The following KLK1 variants were observed in gnomAD, a reference collection of about 807,000 sequenced individuals.
KLK1 encodes the protein kallikrein 1, also known as kallikrein-1.
A neutral mutation model predicts 23.3 loss-of-function variants in KLK1; 22 were observed. That is an observed-to-expected ratio of 0.95 (90% CI 0.68 to 1.35). KLK1 has a LOEUF of 1.35. Ranked by LOEUF, KLK1 falls within the 40% of genes most tolerant of loss-of-function variation. The pLI is 0.00. For missense variants in KLK1, 301 were observed against 338.9 expected (o/e 0.89, Z 0.88); for synonymous variants, 140 against 135.8 (o/e 1.03, Z -0.21).
In KLK1 at chr19:50,821,223, G is replaced by C. The variant is rs932123352; in HGVS notation, c.206+489C>G. Among the ~76,000 whole-genome samples, 5 of 152,220 alleles carry C rather than the reference G, an allele frequency of 3.3e-5. No individual in the cohort carries two copies. The highest frequency in any genetic ancestry group is 1.2e-4 in the African/African-American group (5 of 41,448). On this transcript the variant is annotated intron_variant, in intron 2 of 4. Coordinates refer to ENST00000301420, the MANE Select transcript of KLK1 (RefSeq NM_002257.4). The surrounding 1 kb of genome is among the most constrained non-coding windows in gnomAD (Gnocchi z 5.6). ...ATCCTGTGGGGCGGGGAGCTGGACA[G>C]AGGGAGAGGCGCCCCCTCCCAGGCA... is the stretch of plus-strand genomic sequence containing the variant.
At chr19:50,823,626 G>T (rs2089842305) in intron 1 of KLK1, 77 bp downstream of exon 1, 2 of 949,344 alleles carry the variant, frequency 2.1e-6, no homozygotes, top group Non-Finnish European at 3.3e-6. Flanking sequence ...GGAGGGGAAG[G>T]TCTTATCGGG....
chr19:50,823,702 C>T lies in KLK1; in HGVS notation c.46+1G>A. 1 of 1,602,704 alleles carries T rather than the reference C, an allele frequency of 6.2e-7. No individual in the cohort carries two copies. The highest frequency in any genetic ancestry group is 8.5e-7 in the Non-Finnish European group (1 of 1,170,626). On this transcript the variant is annotated splice_donor_variant, in intron 1 of 4. Transcript: ENST00000301420. LOFTEE classifies it high-confidence loss of function. Reference sequence around the variant, plus strand: ...CCTCCCACATCCCCCCACTGTCTCACCAGTCCCCCCCAGGGACAGGGCGAG... The same window carrying T: ...CCTCCCACATCCCCCCACTGTCTCATCAGTCCCCCCCAGGGACAGGGCGAG...
Position 50,821,771 on chromosome 19 carries a change from C to T in KLK1, c.147G>A (p.Gln49=), listed in dbSNP as rs745413898. Residue 49 remains glutamine (Q), a synonymous_variant, in exon 2 of 5, where the codon CAG becomes CAA. Transcript: ENST00000301420. The surrounding 1 kb of genome is among the most constrained non-coding windows in gnomAD (Gnocchi z 5.6). ...GGCGGTGCACCAGGATGCCCCCACA[C>T]TGGAAAGTGCTGAAATGGTACAGAG... ...QAALYHFSTF[Q]CGGILVHRQW... is the part of the protein sequence containing the mutation. 2 of 1,613,992 alleles carry T rather than the reference C, an allele frequency of 1.2e-6. No individual in the cohort carries two copies. Among genetic ancestry groups the T allele is most frequent in the South Asian group, 1.1e-5 (1 of 91,072 alleles).
At chr19:50,820,698 G>A (rs973058849) in intron 2 of KLK1, 15 of 374,120 alleles carry the variant, frequency 4.0e-5, no homozygotes, top group East Asian at 1.4e-4. Flanking sequence ...TGAAAAAGGC[G>A]GAGGGGAGGG....
At chr19:50,822,550 C>A (rs10420205) in intron 1 of KLK1, 5 of 985,104 alleles carry the variant, frequency 5.1e-6, no homozygotes, top group African/African-American at 3.5e-5. Context: ...GGTGGGCTTC[C>A]GAGAGGTTTT....
chr19:50,819,291 C>G lies in KLK1; in HGVS notation c.692G>C (p.Gly231Ala). The part of the protein sequence containing the change: ...DGVLQGVTSW[G>A]YVPCGTPNKP... Reference sequence around the variant, plus strand: ...ATTGGGGGTGCCACAAGGGACGTAGCCCCATGATGTGACACCTTGGAGCAC... The same window carrying G: ...ATTGGGGGTGCCACAAGGGACGTAGGCCCATGATGTGACACCTTGGAGCAC... The change falls in exon 5 of 5, where the codon GGC becomes GCC. Residue 231 changes from glycine (G) to alanine (A), a missense_variant. Transcript: ENST00000301420. The G allele has an allele frequency of 1.2e-6, 2 of 1,614,136 alleles. No homozygotes were observed. Among genetic ancestry groups the G allele is most frequent in the Non-Finnish European group, 1.7e-6 (2 of 1,179,976 alleles).
At position 50,823,597 on chromosome 19, in the gene KLK1, G is replaced by T. The variant is rs1268084577; in HGVS notation, c.46+106C>A. On this transcript the variant is annotated intron_variant, in intron 1 of 4. Coordinates refer to ENST00000301420, the MANE Select transcript of KLK1 (RefSeq NM_002257.4). ...GGACTAGGATAGACTGTGGGCCAGA[G>T]GGATGAGGGTGGGGTGTTGGAGGGG... 1.1e-5 allele frequency: 8 copies of T among 703,576 alleles called. No individual in the cohort carries two copies. The East Asian group carries it at 2.2e-4, about 19-fold the overall frequency. 43.6% of individuals were successfully genotyped at this position (703,576 alleles called of 1,614,324 possible).
rs5518 is a variant in KLK1 at position 50,819,954 on chromosome 19, A to G, written c.578T>C (p.Val193Ala). 85 of 1,613,844 alleles carry G rather than the reference A, an allele frequency of 5.3e-5. No individual in the cohort carries two copies. Among genetic ancestry groups the G allele is most frequent in the Non-Finnish European group, 6.9e-5 (81 of 1,179,910 alleles). ...TCCGACACACAGCATGAAGTCTGTCACCTTCTGGACGTGGGCTTTTTTGCA... is the reference window on the plus strand; with the variant it reads ...TCCGACACACAGCATGAAGTCTGTCGCCTTCTGGACGTGGGCTTTTTTGCA... ...DECKKAHVQK[V>A]TDFMLCVGHL... The change falls in exon 4 of 5, where the codon GTG becomes GCG. Residue 193 changes from valine (V) to alanine (A), a missense_variant. By Grantham distance (64) the Val-to-Ala change is moderately conservative (BLOSUM62 0). Coordinates refer to ENST00000301420, the MANE Select transcript of KLK1 (RefSeq NM_002257.4).
rs562812177 is a variant in KLK1 at position 50,822,662 on chromosome 19, C to T, written c.47-791G>A. 3.3e-4 allele frequency: 320 copies of T among 964,638 alleles called. 2 individuals carry two copies. The highest frequency in any genetic ancestry group is 1.3e-3 in the Admixed American group (18 of 13,406). 59.8% of individuals were successfully genotyped at this position (964,638 alleles called of 1,614,324 possible). ...GGGACGGGGCTCAGGAGGAGGGAGG[C>T]GTGAGTGGCAGTCCTTCTCGGACAG... On this transcript the variant is annotated intron_variant, in intron 1 of 4. Coordinates refer to ENST00000301420, the MANE Select transcript of KLK1 (RefSeq NM_002257.4).
At chr19:50,819,434 C>T in intron 4 of KLK1, 85 bp from the exon 5 acceptor site, 1 of 1,321,216 alleles carries the variant, frequency 7.6e-7, no homozygotes, top group East Asian at 2.4e-5. Flanking sequence ...GCAGACAGGG[C>T]CTCCAGTGCC....
chr19:50,823,548 G>A (rs572230478), intron 1 of KLK1, among the ~76,000 whole-genome samples, 155 bp downstream of exon 1: 1 of 151,780 alleles, frequency 6.6e-6, no homozygotes, highest in East Asian at 2.0e-4. Flanking sequence ...GGCCGCGCAA[G>A]ATAGATAAGA....
intron 1 of KLK1, chr19:50,822,889 A>G (rs1426945301): frequency 1.8e-5 from 18 of 985,330 alleles, no homozygotes; most frequent in Non-Finnish European, 2.0e-5. Context: ...GGGGGAGGCC[A>G]GGGCAGAAGC....
In KLK1 at chr19:50,820,042, A is replaced by G; in HGVS notation, c.497-7T>C. 6.2e-7 allele frequency: 1 copy of G among 1,613,894 alleles called. No homozygotes were observed. The highest frequency in any genetic ancestry group is 8.5e-7 in the Non-Finnish European group (1 of 1,179,940). ...AGATCATCTGGAAATGAGACTACGA[A>G]CCCGGGAGAAAAAGGGCTGCAGCCC... On this transcript the variant is annotated splice_polypyrimidine_tract_variant and splice_region_variant and intron_variant, in intron 3 of 4. Coordinates refer to ENST00000301420, the MANE Select transcript of KLK1 (RefSeq NM_002257.4).
At position 50,819,931 on chromosome 19, in the gene KLK1, C is replaced by T. The variant is rs751341262; in HGVS notation, c.601G>A (p.Gly201Arg). The T allele has an allele frequency of 7.4e-6, 12 of 1,614,168 alleles. No homozygotes were observed. The highest frequency in any genetic ancestry group is 2.2e-5 in the East Asian group (1 of 44,886). ...QKVTDFMLCV[G>R]HLEGGKDTCV... ...GTGTCTTTGCCACCTTCCAGGTGTC[C>T]GACACACAGCATGAAGTCTGTCACC... Residue 201 changes from glycine (G) to arginine (R), a missense_variant, in exon 4 of 5, where the codon GGA becomes AGA. Coordinates refer to ENST00000301420, the MANE Select transcript of KLK1 (RefSeq NM_002257.4).
At position 50,819,537 on chromosome 19, in the gene KLK1, G is replaced by A. The variant is rs2052232398; in HGVS notation, c.634-188C>T. ...GAAGGGACCTCAGGGTCCAGCTCCT[G>A]CACATGGGGCAGGGTCCAGGTGGAC... On this transcript the variant is annotated intron_variant, in intron 4 of 4. Coordinates refer to ENST00000301420, the MANE Select transcript of KLK1 (RefSeq NM_002257.4). 5.9e-5 allele frequency among the ~76,000 whole-genome samples: 9 copies of A among 152,174 alleles called. 1 individual carries two copies. The highest frequency in any genetic ancestry group is 5.9e-4 in the Admixed American group (9 of 15,280).
At chr19:50,822,292 A>G in intron 1 of KLK1, 1 of 995,160 alleles carries the variant, frequency 1.0e-6, no homozygotes, top group South Asian at 4.6e-5. Flanking sequence ...TCACTGAGGA[A>G]GAATCTGGAG....
chr19:50,823,209 A>C (rs2089838751), intron 1 of KLK1, among the ~76,000 whole-genome samples: 1 of 152,086 alleles, frequency 6.6e-6, no homozygotes, highest in Non-Finnish European at 1.5e-5. Flanking sequence ...GGTCTGGAGG[A>C]CACAGTTGAG....
At chr19:50,822,071 A>G (rs1599944888) in intron 1 of KLK1, 200 bp from the exon 2 acceptor site, 1 of 1,356,078 alleles carries the variant, frequency 7.4e-7, no homozygotes, top group Non-Finnish European at 9.5e-7. Flanking sequence ...TGGTGGCTGG[A>G]CCTGGTGGGG....
At position 50,823,660 on chromosome 19, in the gene KLK1, A is replaced by C. The variant is rs760812572; in HGVS notation, c.46+43T>G. 4 of 1,359,000 alleles carry C rather than the reference A, an allele frequency of 2.9e-6. No individual in the cohort carries two copies. The African/African-American group carries it at 5.7e-5, about 20-fold the overall frequency. 84.2% of individuals were successfully genotyped at this position (1,359,000 alleles called of 1,614,324 possible). A position where few individuals can be genotyped will look rare whatever the true frequency, so the allele number is the denominator to read the frequency against. Reference sequence around the variant, plus strand: ...GGGGGGGATGTGAGGCCAGCAAGAGAATCAGGGCCCGTTCCCCCTCCCACA... The same window carrying C: ...GGGGGGGATGTGAGGCCAGCAAGAGCATCAGGGCCCGTTCCCCCTCCCACA... On this transcript the variant is annotated intron_variant, in intron 1 of 4. Coordinates refer to ENST00000301420, the MANE Select transcript of KLK1 (RefSeq NM_002257.4).
Sources: gnomAD v4.1 joint callset for allele counts (sites outside exome capture counted in the v4.1 genomes callset) on GRCh38, gnomAD v4.1.1 for gene constraint, Gnocchi (gnomAD v3.1) non-coding constraint, MANE v1.5 for transcripts, NCBI Gene and HGNC (gene_info 2026-07-23, HGNC 2026-07-21) for gene names.